Variants in GPC6 observed in about 807,000 individuals in gnomAD.
GPC6 encodes the protein glypican 6.
GPC6 carries 14 observed loss-of-function variants against 55.2 expected under a neutral mutation model. The observed-to-expected ratio is 0.25, with a 90% CI of 0.17 to 0.40. The LOEUF (loss-of-function observed/expected upper bound fraction) is 0.40, where lower values mean the gene tolerates loss of function less well. Ranked by LOEUF, GPC6 falls within the 10% of genes least tolerant of loss-of-function variation. The pLI is 1.00. For synonymous variants in GPC6, 278 were observed against 259.6 expected (o/e 1.07, Z -0.68); for missense variants, 641 against 708.5 (o/e 0.90, Z 1.08).
intron 3 of GPC6, among the ~76,000 whole-genome samples, chr13:93,986,547 G>A (rs573047776): frequency 6.6e-6 from 1 of 152,184 alleles, no homozygotes; most frequent in Non-Finnish European, 1.5e-5. Context: ...TTTCAGAATA[G>A]GACCAAGAGA....
intron 1 of GPC6, among the ~76,000 whole-genome samples, chr13:93,317,277 A>C (rs1458447487): frequency 6.6e-6 from 1 of 152,132 alleles, no homozygotes; most frequent in Non-Finnish European, 1.5e-5. Context: ...ATCTTTTATC[A>C]TTGAAAATAT....
At chr13:93,966,086 C>T (rs147996185) in intron 3 of GPC6, among the ~76,000 whole-genome samples, 77 of 152,286 alleles carry the variant, frequency 5.1e-4, no homozygotes, top group Non-Finnish European at 8.8e-4. Flanking sequence ...AATTATTCCA[C>T]TGAGGTCATA....
intron 4 of GPC6, among the ~76,000 whole-genome samples, chr13:94,143,082 C>G (rs1287991235): frequency 4.6e-5 from 7 of 151,736 alleles, no homozygotes; most frequent in Non-Finnish European, 1.0e-4. Context: ...GCCTCGGCCT[C>G]CCAAAGTGCT....
At chr13:93,693,652 G>C (rs1882344212) in intron 2 of GPC6, among the ~76,000 whole-genome samples, 1 of 151,914 alleles carries the variant, frequency 6.6e-6, no homozygotes, top group African/African-American at 2.4e-5. Flanking sequence ...CTAATTTTTT[G>C]TATTTATATT....
chr13:94,370,282 C>G (rs1046798380), intron 6 of GPC6, among the ~76,000 whole-genome samples: 5 of 152,198 alleles, frequency 3.3e-5, no homozygotes, highest in African/African-American at 1.2e-4. Flanking sequence ...GCAGCGAAGC[C>G]TTATTTGCTT....
At chr13:93,947,676 A>AT in intron 3 of GPC6, among the ~76,000 whole-genome samples, 1 of 152,130 alleles carries the variant, frequency 6.6e-6, no homozygotes, top group Non-Finnish European at 1.5e-5. Flanking sequence ...GGGAATTAAC[A>AT]CTGCTTAGCA....
At chr13:93,418,039 T>G (rs1270392991) in intron 1 of GPC6, among the ~76,000 whole-genome samples, 1 of 151,924 alleles carries the variant, frequency 6.6e-6, no homozygotes, top group African/African-American at 2.4e-5. Context: ...TCAATTGTAC[T>G]TGGAAATACA....
chr13:94,234,900 A>C (rs1202862932), intron 4 of GPC6, among the ~76,000 whole-genome samples: 1 of 152,180 alleles, frequency 6.6e-6, no homozygotes, highest in South Asian at 2.1e-4. Context: ...TATATGAGTT[A>C]TGTAAAGTAG....
chr13:93,885,952 T>C (rs1209288876), intron 3 of GPC6, among the ~76,000 whole-genome samples: 2 of 152,206 alleles, frequency 1.3e-5, no homozygotes, highest in South Asian at 2.1e-4. Context: ...AATTTGCTTT[T>C]AGTCGTGAGA....
intron 2 of GPC6, among the ~76,000 whole-genome samples, chr13:93,682,344 T>C (rs1881874727): frequency 1.3e-5 from 2 of 152,170 alleles, no homozygotes; most frequent in African/African-American, 4.8e-5. Flanking sequence ...TCCCACTGGG[T>C]GTTTTCAAAC....
At chr13:93,484,502 A>G (rs930298703) in intron 1 of GPC6, among the ~76,000 whole-genome samples, 5 of 152,182 alleles carry the variant, frequency 3.3e-5, no homozygotes, top group Admixed American at 3.3e-4. Context: ...TTTTCTGCTT[A>G]GAATAATATA....
chr13:94,352,489 GC>G (rs149345621), intron 6 of GPC6, among the ~76,000 whole-genome samples: 7,149 of 152,194 alleles, frequency 0.047, 244 homozygotes, highest in East Asian at 0.074. Flanking sequence ...GGAGAGTGAG[GC>G]CCCAACATTC....
intron 3 of GPC6, among the ~76,000 whole-genome samples, chr13:93,960,564 A>T (rs1158046785): frequency 6.6e-6 from 1 of 152,194 alleles, no homozygotes; most frequent in Non-Finnish European, 1.5e-5. Flanking sequence ...CAAAAATGGC[A>T]GCCAGGGTGC....
chr13:93,648,904 A>G (rs1594340788), intron 2 of GPC6, among the ~76,000 whole-genome samples: 1 of 152,190 alleles, frequency 6.6e-6, no homozygotes. Flanking sequence ...CAAAAGGTGT[A>G]GTACATTAAG....
At chr13:93,741,638 A>T (rs1417665587) in intron 2 of GPC6, among the ~76,000 whole-genome samples, 1 of 152,082 alleles carries the variant, frequency 6.6e-6, no homozygotes, top group African/African-American at 2.4e-5. Context: ...TAATCTCCCT[A>T]TATCTATGTT....
intron 2 of GPC6, among the ~76,000 whole-genome samples, chr13:93,682,755 C>G (rs183840917): frequency 6.6e-6 from 1 of 151,656 alleles, no homozygotes; most frequent in Non-Finnish European, 1.5e-5. Flanking sequence ...GGCCTGTAAT[C>G]CCAGCACTTT....
intron 2 of GPC6, among the ~76,000 whole-genome samples, chr13:93,783,724 C>T (rs1244058796): frequency 2.0e-5 from 3 of 152,140 alleles, no homozygotes; most frequent in Non-Finnish European, 4.4e-5. Flanking sequence ...CCCATCTTCT[C>T]CTACCATCAT....
At chr13:94,082,333 C>T (rs993898504) in intron 4 of GPC6, among the ~76,000 whole-genome samples, 1 of 152,108 alleles carries the variant, frequency 6.6e-6, no homozygotes, top group Non-Finnish European at 1.5e-5. Context: ...CATAGTTTCC[C>T]TATTTCAGGC....
In GPC6 at chr13:94,047,956, A is replaced by G. The variant is rs887524556; in HGVS notation, c.877+20062A>G. On this transcript the variant is annotated intron_variant, in intron 4 of 8. Coordinates refer to ENST00000377047, the MANE Select transcript of GPC6 (RefSeq NM_005708.5). ...TCTGAAATAGACATTTATTTCACAGATTTATTTCACACACAAAGGGAAGCA... is the reference window on the plus strand; with the variant it reads ...TCTGAAATAGACATTTATTTCACAGGTTTATTTCACACACAAAGGGAAGCA... Among the ~76,000 whole-genome samples, 3 of 152,154 alleles carry G rather than the reference A, an allele frequency of 2.0e-5. No individual in the cohort carries two copies. In the South Asian group the frequency reaches 6.2e-4, roughly 32 times the overall value.
Sources: gnomAD v4.1 joint callset for allele counts (sites outside exome capture counted in the v4.1 genomes callset) on GRCh38, gnomAD v4.1.1 for gene constraint, MANE v1.5 for transcripts, NCBI Gene and HGNC (gene_info 2026-07-23, HGNC 2026-07-21) for gene names.